GLYAT: variants seen among roughly 807,000 people sequenced by gnomAD.
GLYAT encodes glycine-N-acyltransferase.
Under a neutral mutation model 22.8 loss-of-function variants are expected in GLYAT, and 25 were observed. That is an observed-to-expected ratio of 1.09 (90% CI 0.80 to 1.53). The LOEUF (loss-of-function observed/expected upper bound fraction) is 1.53, where lower values mean the gene tolerates loss of function less well. Ranked by LOEUF, GLYAT falls within the 40% of genes most tolerant of loss-of-function variation. The probability of loss-of-function intolerance (pLI) is 0.00; values close to 1 mark genes in which losing one functional copy is unlikely to be tolerated. For synonymous variants in GLYAT, 140 were observed against 122.7 expected (o/e 1.14, Z -0.93); for missense variants, 411 against 353.9 (o/e 1.16, Z -1.29).
intron 2 of GLYAT, among the ~76,000 whole-genome samples, chr11:58,723,148 G>C (rs1371319244): frequency 6.6e-6 from 1 of 151,888 alleles, no homozygotes; most frequent in Non-Finnish European, 1.5e-5. Context: ...ACAGAGTGTT[G>C]AACAAAATGT....
intron 1 of GLYAT, among the ~76,000 whole-genome samples, 168 bp downstream of exon 1, chr11:58,731,667 A>T (rs1432631130): frequency 6.6e-6 from 1 of 152,162 alleles, no homozygotes; most frequent in African/African-American, 2.4e-5. Context: ...TACTTCACAT[A>T]GTTACTTATT....
At chr11:58,728,892 AGG>A (rs879878358) in intron 1 of GLYAT, among the ~76,000 whole-genome samples, 12,568 of 87,278 alleles carry the variant, frequency 0.14, 647 homozygotes, top group African/African-American at 0.2. Flanking sequence ...GAAAGAAAGA[AGG>A]AAGGAAGGAA....
chr11:58,724,408 A>G lies in GLYAT; in HGVS notation c.81+8T>C, dbSNP rs769541492. On this transcript the variant is annotated splice_region_variant and intron_variant, in intron 2 of 5. Coordinates refer to ENST00000344743, the MANE Select transcript of GLYAT (RefSeq NM_201648.3). ...TTCTTTACTCCTCTCAGAATTTTCC[A>G]TTATCACCTTTAAGGATGCTGGGAG... 3.3e-6 allele frequency: 5 copies of G among 1,537,044 alleles called. No individual in the cohort carries two copies. The highest frequency in any genetic ancestry group is 2.7e-6 in the Non-Finnish European group (3 of 1,114,908).
chr11:58,710,090 A>G lies in GLYAT; in HGVS notation c.567T>C (p.Gly189=), dbSNP rs942436085. 9.9e-6 allele frequency: 16 copies of G among 1,614,052 alleles called. No homozygotes were observed. Among genetic ancestry groups the G allele is most frequent in the African/African-American group, 1.3e-5 (1 of 75,060 alleles). The change falls in exon 6 of 6, where the codon GGT becomes GGC. Residue 189 remains glycine, a synonymous_variant. Coordinates refer to ENST00000344743, the MANE Select transcript of GLYAT (RefSeq NM_201648.3). The stretch of plus-strand genomic sequence containing the variant: ...CAATGAATCTCTGGCTCCTCTCATT[A>G]CCACCAAAATGCCAGAATTTATTCA... The part of the protein sequence containing the change: ...HLVNKFWHFG[G]NERSQRFIER...
At chr11:58,721,687 G>C (rs1856752252) in intron 2 of GLYAT, among the ~76,000 whole-genome samples, 1 of 151,882 alleles carries the variant, frequency 6.6e-6, no homozygotes. Flanking sequence ...ATTTCAGTTA[G>C]GACCAAATGC....
At chr11:58,712,723 T>G (rs1233551966) in intron 4 of GLYAT, 37 bp downstream of exon 4, 2 of 1,598,416 alleles carry the variant, frequency 1.3e-6, no homozygotes, top group Non-Finnish European at 1.7e-6. Flanking sequence ...TCAGGACACA[T>G]AAGTGAGTCA....
intron 1 of GLYAT, among the ~76,000 whole-genome samples, chr11:58,728,917 G>A (rs540041661): frequency 1.1e-3 from 147 of 137,280 alleles, no homozygotes; most frequent in African/African-American, 3.7e-3. Context: ...AAGGAAGGAA[G>A]GAAGGAAGGA....
intron 1 of GLYAT, among the ~76,000 whole-genome samples, chr11:58,727,527 C>G (rs1856822744): frequency 6.6e-6 from 1 of 152,116 alleles, no homozygotes; most frequent in Non-Finnish European, 1.5e-5. Flanking sequence ...GGCTTTAGCC[C>G]TATCACTCTC....
chr11:58,721,473 CAA>C (rs1856748981), intron 2 of GLYAT, among the ~76,000 whole-genome samples: 1 of 150,680 alleles, frequency 6.6e-6, no homozygotes, highest in South Asian at 2.1e-4. Flanking sequence ...AGAAGGAAAA[CAA>C]AACAAAACAA....
At chr11:58,713,755 G>A (rs1357103326) in intron 3 of GLYAT, among the ~76,000 whole-genome samples, 1 of 151,960 alleles carries the variant, frequency 6.6e-6, no homozygotes, top group Non-Finnish European at 1.5e-5. Context: ...GGAAAATGTT[G>A]CACAAAAAAC....
In GLYAT at chr11:58,708,998, C is replaced by T. The variant is rs1005872146; in HGVS notation, c.*768G>A. 39 of 152,194 alleles carry T rather than the reference C, an allele frequency of 2.6e-4. No individual in the cohort carries two copies. Among genetic ancestry groups the T allele is most frequent in the African/African-American group, 7.7e-4 (32 of 41,442 alleles). The allele number at this position is 152,194 out of a possible 1,614,324, so 9.4% of individuals were successfully genotyped here. ...CAAGGTGCTCCCACCTTCACCTTTTCATACACTCATTCCTTTCATGCTGTC... is the reference window on the plus strand; with the variant it reads ...CAAGGTGCTCCCACCTTCACCTTTTTATACACTCATTCCTTTCATGCTGTC... On this transcript the variant is annotated 3_prime_UTR_variant, in exon 6 of 6. Transcript: ENST00000344743.
At chr11:58,724,588 A>T (rs2134494465) in intron 1 of GLYAT, 77 bp from the exon 2 acceptor site, 3 of 610,272 alleles carry the variant, frequency 4.9e-6, no homozygotes, top group East Asian at 3.0e-5. Context: ...CAAGTTCTTT[A>T]TTAATGACCA....
At chr11:58,731,484 A>C (rs1856871225) in intron 1 of GLYAT, among the ~76,000 whole-genome samples, 2 of 152,158 alleles carry the variant, frequency 1.3e-5, no homozygotes, top group South Asian at 4.1e-4. Context: ...TTCTGAGCAT[A>C]ACACAATACG....
At chr11:58,722,540 A>G (rs765754513) in intron 2 of GLYAT, among the ~76,000 whole-genome samples, 6 of 152,118 alleles carry the variant, frequency 3.9e-5, no homozygotes, top group Non-Finnish European at 8.8e-5. Flanking sequence ...GAAAGCTTTC[A>G]GGTCACAGAT....
intron 2 of GLYAT, among the ~76,000 whole-genome samples, chr11:58,721,202 C>G (rs1003395907): frequency 2.0e-5 from 3 of 151,334 alleles, no homozygotes; most frequent in African/African-American, 7.3e-5. Flanking sequence ...GTTTCAAAAC[C>G]CTAGGCAGCT....
At chr11:58,712,614 C>A (rs959727725) in intron 4 of GLYAT, 146 bp downstream of exon 4, 16 of 681,642 alleles carry the variant, frequency 2.3e-5, no homozygotes, top group Non-Finnish European at 3.8e-5. Flanking sequence ...CGCTGTCCAC[C>A]ACCTTTTACA....
intron 1 of GLYAT, among the ~76,000 whole-genome samples, chr11:58,727,470 C>G (rs547115643): frequency 1.3e-5 from 2 of 152,236 alleles, no homozygotes; most frequent in East Asian, 1.9e-4. Flanking sequence ...GTGAAAGAGC[C>G]ATTTTTAGTT....
chr11:58,720,317 C>T (rs189970544), intron 2 of GLYAT, among the ~76,000 whole-genome samples: 90 of 152,020 alleles, frequency 5.9e-4, no homozygotes, highest in Non-Finnish European at 5.2e-4. Context: ...AAATTATGAC[C>T]AATTTGCCTA....
intron 1 of GLYAT, among the ~76,000 whole-genome samples, chr11:58,727,818 C>G (rs1195380760): frequency 6.6e-6 from 1 of 152,056 alleles, no homozygotes; most frequent in East Asian, 1.9e-4. Flanking sequence ...GCATACAATT[C>G]CAGTAAACAC....
Sources: gnomAD v4.1 joint callset for allele counts (sites outside exome capture counted in the v4.1 genomes callset) on GRCh38, gnomAD v4.1.1 for gene constraint, MANE v1.5 for transcripts, NCBI Gene and HGNC (gene_info 2026-07-23, HGNC 2026-07-21) for gene names.